Variants in VIPR1 observed in about 807,000 individuals in gnomAD.
VIPR1 encodes vasoactive intestinal peptide receptor 1.
Under a neutral mutation model 58.8 loss-of-function variants are expected in VIPR1, and 59 were observed. The observed-to-expected ratio is 1.00, with a 90% CI of 0.81 to 1.25. VIPR1 has a LOEUF of 1.25. Ranked by LOEUF, VIPR1 falls within the 50% of genes most tolerant of loss-of-function variation. The probability of loss-of-function intolerance (pLI) is 0.00; values close to 1 mark genes in which losing one functional copy is unlikely to be tolerated. For synonymous variants in VIPR1, 251 were observed against 242.1 expected (o/e 1.04, Z -0.34); for missense variants, 626 against 602.7 (o/e 1.04, Z -0.40).
intron 9 of VIPR1, 128 bp from the exon 10 acceptor site, chr3:42,532,114 C>A: frequency 1.9e-6 from 2 of 1,035,218 alleles, no homozygotes; most frequent in South Asian, 1.4e-5. Flanking sequence ...AGGGGAAATG[C>A]CAGAGGAGAG....
Position 42,526,009 on chromosome 3 carries a change from C to A in VIPR1, c.399+16C>A. ...TTTGGATGAGGTGGGTCTCAGGGCA[C>A]CCCCACCTCACCTGCAGAGCGCCGG... On this transcript the variant is annotated intron_variant, in intron 4 of 12. Coordinates refer to ENST00000325123, the MANE Select transcript of VIPR1 (RefSeq NM_004624.4). 1 of 1,600,708 alleles carries A rather than the reference C, an allele frequency of 6.2e-7. No individual in the cohort carries two copies. Among genetic ancestry groups the A allele is most frequent in the South Asian group, 1.1e-5 (1 of 88,954 alleles).
At chr3:42,504,765 G>GC (rs1700033345) in intron 1 of VIPR1, among the ~76,000 whole-genome samples, 2 of 147,828 alleles carry the variant, frequency 1.4e-5, no homozygotes, top group African/African-American at 4.9e-5. Context: ...CGGCGGGGTG[G>GC]GGGGGCGGGG....
upstream of VIPR1, among the ~76,000 whole-genome samples, chr3:42,497,911 A>G (rs1017093695): frequency 6.6e-6 from 1 of 152,180 alleles, no homozygotes; most frequent in African/African-American, 2.4e-5. Flanking sequence ...TCAGTGTGCA[A>G]ACAGAATAAT....
chr3:42,518,537 G>A (rs980789739), intron 2 of VIPR1, among the ~76,000 whole-genome samples: 2 of 152,130 alleles, frequency 1.3e-5, no homozygotes, highest in East Asian at 1.9e-4. Flanking sequence ...TCAGGAGTTC[G>A]AGATCAGCCT....
At position 42,528,651 on chromosome 3, in the gene VIPR1, G is replaced by A. The variant is rs191660163; in HGVS notation, c.636+528G>A. ...CTGATCCTGACAGCAGGCTGGTTCT[G>A]GGCCTTCCTAGGGAAGAGAGGTAAA... On this transcript the variant is annotated intron_variant, in intron 6 of 12. Coordinates refer to ENST00000325123, the MANE Select transcript of VIPR1 (RefSeq NM_004624.4). 6.0e-4 allele frequency: 93 copies of A among 153,948 alleles called. 1 individual carries two copies. Among genetic ancestry groups the A allele is most frequent in the African/African-American group, 2.0e-3 (84 of 41,594 alleles). 9.5% of individuals were successfully genotyped at this position (153,948 alleles called of 1,614,324 possible).
intron 4 of VIPR1, 36 bp from the exon 5 acceptor site, chr3:42,527,357 C>T: frequency 1.2e-6 from 2 of 1,600,764 alleles, no homozygotes; most frequent in Non-Finnish European, 8.6e-7. Context: ...GCCTCCCACC[C>T]CACCACCCAA....
At chr3:42,532,573 T>G in intron 10 of VIPR1, 1 of 582,110 alleles carries the variant, frequency 1.7e-6, no homozygotes, top group Non-Finnish European at 3.1e-6. Flanking sequence ...CCTAGCATCC[T>G]TCCCAGGTAT....
upstream of VIPR1, chr3:42,502,535 G>T (rs1234913329): frequency 2.7e-6 from 1 of 372,332 alleles, no homozygotes; most frequent in East Asian, 4.2e-5. Flanking sequence ...CGGCGGCCCC[G>T]CCTCCACCCA....
chr3:42,492,203 C>T (rs1480474125), intron 1 of VIPR1: 2 of 152,378 alleles, frequency 1.3e-5, no homozygotes, highest in African/African-American at 4.8e-5. Context: ...CCTTCCTCAT[C>T]CCTCCTCCCC....
rs754291970 is a variant in VIPR1 at position 42,527,986 on chromosome 3, C to T, written c.504-5C>T. ...TGGCCTCCCAGATCTGCCCACCCCA[C>T]ACAGGAAGCTCCACTGCACGCGGAA... On this transcript the variant is annotated splice_polypyrimidine_tract_variant and splice_region_variant and intron_variant, in intron 5 of 12. Coordinates refer to ENST00000325123, the MANE Select transcript of VIPR1 (RefSeq NM_004624.4). The T allele has an allele frequency of 1.2e-6, 2 of 1,613,638 alleles. No homozygotes were observed. The highest frequency in any genetic ancestry group is 1.7e-6 in the Non-Finnish European group (2 of 1,179,716).
intron 10 of VIPR1, chr3:42,532,534 GC>G: frequency 1.6e-6 from 1 of 626,398 alleles, no homozygotes; most frequent in South Asian, 1.8e-5. Flanking sequence ...TGCACTCAGA[GC>G]CCTGCATGCT....
Position 42,528,085 on chromosome 3 carries a change from T to C in VIPR1, c.598T>C (p.Phe200Leu). Reference sequence around the variant, plus strand: ...TGTCTTCATCAAAGACTTGGCCCTCTTCGACAGCGGGGAGTCGGACCAGTG... The same window carrying C: ...TGTCTTCATCAAAGACTTGGCCCTCCTCGACAGCGGGGAGTCGGACCAGTG... ...AAVFIKDLALFDSGESDQCSE... is the reference protein window; with the variant it reads ...AAVFIKDLALLDSGESDQCSE... Residue 200 changes from phenylalanine to leucine, a missense_variant, in exon 6 of 13, where the codon TTC becomes CTC. Transcript: ENST00000325123. 1 of 1,614,016 alleles carries C rather than the reference T, an allele frequency of 6.2e-7. No homozygotes were observed. Among genetic ancestry groups the C allele is most frequent in the African/African-American group, 1.3e-5 (1 of 75,040 alleles).
At chr3:42,515,063 G>T (rs950683938) in intron 2 of VIPR1, among the ~76,000 whole-genome samples, 1 of 152,166 alleles carries the variant, frequency 6.6e-6, no homozygotes, top group South Asian at 2.1e-4. Context: ...GGCTGGGCCC[G>T]TTCTGGGCCT....
At chr3:42,522,867 G>A (rs146791875) in intron 3 of VIPR1, among the ~76,000 whole-genome samples, 3 of 152,302 alleles carry the variant, frequency 2.0e-5, no homozygotes, top group East Asian at 3.9e-4. Context: ...AGGCACAAGC[G>A]GGGGCCATGA....
rs1028001170 is a variant in VIPR1, at chr3:42,534,899, T to C, written c.1011-76T>C. The C allele has an allele frequency of 3.2e-6, 5 of 1,561,702 alleles. No individual in the cohort carries two copies. In the African/African-American group the frequency reaches 6.8e-5, roughly 21 times the overall value. ...TGTCCCCATCTTCTGTGCCTCCAGC[T>C]GCCCCCATGCCACACCCTATCATAT... On this transcript the variant is annotated intron_variant, in intron 10 of 12. Coordinates refer to ENST00000325123, the MANE Select transcript of VIPR1 (RefSeq NM_004624.4).
chr3:42,532,102 A>G (rs754504689), intron 9 of VIPR1, 140 bp from the exon 10 acceptor site: 56 of 988,852 alleles, frequency 5.7e-5, no homozygotes, highest in Non-Finnish European at 7.8e-5. Flanking sequence ...TGACCTGCCC[A>G]AAGGGGAAAT....
chr3:42,493,269 C>A (rs1699699566), intron 1 of VIPR1, among the ~76,000 whole-genome samples: 1 of 152,174 alleles, frequency 6.6e-6, no homozygotes, highest in South Asian at 2.1e-4. Flanking sequence ...GGGCACCAGC[C>A]TACCTTGCCA....
intron 1 of VIPR1, among the ~76,000 whole-genome samples, chr3:42,496,427 T>C (rs1699763412): frequency 6.6e-6 from 1 of 152,272 alleles, no homozygotes; most frequent in Non-Finnish European, 1.5e-5. Flanking sequence ...ATCATACATA[T>C]CATTCTGCAA....
intron 1 of VIPR1, chr3:42,512,748 C>T (rs1700417424): frequency 5.1e-6 from 5 of 985,438 alleles, no homozygotes; most frequent in Non-Finnish European, 6.0e-6. Flanking sequence ...ATTCTTCTCC[C>T]AGGCAGAGAT....
Sources: gnomAD v4.1 joint callset for allele counts (sites outside exome capture counted in the v4.1 genomes callset) on GRCh38, gnomAD v4.1.1 for gene constraint, MANE v1.5 for transcripts, NCBI Gene and HGNC (gene_info 2026-07-23, HGNC 2026-07-21) for gene names.